The following MAGI2 variants were observed in gnomAD, a reference collection of about 807,000 sequenced individuals.
MAGI2 encodes membrane associated guanylate kinase, WW and PDZ domain containing 2, also known as membrane-associated guanylate kinase, WW and PDZ domain-containing protein 2.
In MAGI2, 35 loss-of-function variants were observed where a neutral mutation model predicts 133.3. The observed-to-expected ratio is 0.26, with a 90% CI of 0.20 to 0.35. MAGI2 has a LOEUF of 0.35. MAGI2 is among the 10% of genes least tolerant of loss of function. The pLI, the probability that MAGI2 is intolerant of heterozygous loss-of-function variation, is 1.00. For synonymous variants in MAGI2, 729 were observed against 710.6 expected, an observed-to-expected ratio of 1.03 and a Z score of -0.41; for missense variants, 1,636 against 1,863.4, an observed-to-expected ratio of 0.88 and a Z score of 2.25.
intron 21 of MAGI2, among the ~76,000 whole-genome samples, chr7:78,020,374 T>A (rs1313751552): frequency 6.6e-6 from 1 of 152,100 alleles, no homozygotes; most frequent in Admixed American, 6.5e-5. Flanking sequence ...AGGGTGGTGG[T>A]GAAAAATACA....
intron 9 of MAGI2, among the ~76,000 whole-genome samples, chr7:78,302,988 C>T (rs146629455): frequency 6.6e-5 from 10 of 152,224 alleles, no homozygotes; most frequent in African/African-American, 2.4e-4. Flanking sequence ...AGAAACAACC[C>T]TAACTCAAAC....
chr7:78,123,053 C>T (rs1303991772), intron 20 of MAGI2, among the ~76,000 whole-genome samples: 1 of 152,120 alleles, frequency 6.6e-6, no homozygotes, highest in Non-Finnish European at 1.5e-5. Context: ...ATCTGAATGT[C>T]CATTGTGTTT....
chr7:78,309,832 C>CT (rs902893407), intron 9 of MAGI2, among the ~76,000 whole-genome samples: 63 of 139,546 alleles, frequency 4.5e-4, no homozygotes, highest in African/African-American at 1.6e-3. Context: ...AGGCTCAGAC[C>CT]TTTCTTCTAT....
At chr7:78,957,269 A>C (rs1359605402) in intron 2 of MAGI2, among the ~76,000 whole-genome samples, 17 of 149,882 alleles carry the variant, frequency 1.1e-4, no homozygotes, top group Non-Finnish European at 2.5e-4. Context: ...CATCTCAAAA[A>C]AAAAAAAAAA....
chr7:78,762,229 G>A (rs1824583334), intron 2 of MAGI2, among the ~76,000 whole-genome samples: 2 of 151,200 alleles, frequency 1.3e-5, no homozygotes, highest in African/African-American at 4.9e-5. Context: ...AGATCACCTG[G>A]GGTCAGGAGT....
intron 2 of MAGI2, among the ~76,000 whole-genome samples, chr7:78,848,593 T>A (rs1431346252): frequency 6.6e-6 from 1 of 151,990 alleles, no homozygotes; most frequent in Non-Finnish European, 1.5e-5. Flanking sequence ...ATGACCTACT[T>A]CTACTGATCT....
At chr7:79,329,538 T>C (rs1055939351) in intron 1 of MAGI2, among the ~76,000 whole-genome samples, 3 of 152,232 alleles carry the variant, frequency 2.0e-5, no homozygotes, top group Admixed American at 6.5e-5. Context: ...TAAAGATGGC[T>C]GGAAGAAGCC....
intron 21 of MAGI2, among the ~76,000 whole-genome samples, chr7:78,044,678 CGTGT>C (rs58076536): frequency 2.5e-3 from 316 of 126,472 alleles, no homozygotes; most frequent in South Asian, 4.6e-3. Flanking sequence ...GCTAATGTAC[CGTGT>C]GTGTGTGTGT....
intron 5 of MAGI2, among the ~76,000 whole-genome samples, chr7:78,494,995 G>C (rs577034396): frequency 7.2e-5 from 11 of 152,124 alleles, no homozygotes; most frequent in African/African-American, 2.4e-4. Flanking sequence ...CAAGGTTCAG[G>C]TAAATATTCT....
intron 9 of MAGI2, among the ~76,000 whole-genome samples, chr7:78,296,139 C>A (rs1187069006): frequency 6.6e-6 from 1 of 152,140 alleles, no homozygotes; most frequent in African/African-American, 2.4e-5. Context: ...CAGAGTATTA[C>A]AAACCAGAGT....
rs142391524 is a variant in MAGI2 at position 78,246,490 on chromosome 7, C to T, written c.2047+9453G>A. On this transcript the variant is annotated intron_variant, in intron 10 of 21. Transcript: ENST00000354212. Reference sequence around the variant, plus strand: ...TTGGGCTGAGACACCCTGGCCCGCACGCAAAACAACTAGTACCCTCCTTCC... The same window carrying T: ...TTGGGCTGAGACACCCTGGCCCGCATGCAAAACAACTAGTACCCTCCTTCC... 1.5e-4 allele frequency among the ~76,000 whole-genome samples: 23 copies of T among 152,224 alleles called. No homozygotes were observed. The East Asian group carries it at 2.1e-3, about 14-fold the overall frequency.
chr7:78,307,435 A>C (rs1398108667), intron 9 of MAGI2, among the ~76,000 whole-genome samples: 5 of 152,176 alleles, frequency 3.3e-5, no homozygotes, highest in Admixed American at 1.3e-4. Flanking sequence ...TATAAGGCTT[A>C]ATTATATAGA....
intron 2 of MAGI2, among the ~76,000 whole-genome samples, chr7:78,956,063 T>C (rs1455772211): frequency 6.6e-6 from 1 of 151,782 alleles, no homozygotes; most frequent in South Asian, 2.1e-4. Context: ...ACAGTACTAG[T>C]GGTAAAGAGG....
chr7:78,553,923 T>C (rs1029459850), intron 3 of MAGI2, among the ~76,000 whole-genome samples: 1 of 152,034 alleles, frequency 6.6e-6, no homozygotes, highest in Non-Finnish European at 1.5e-5. Flanking sequence ...GAAGGAGAGA[T>C]GTGGGGTGAA....
intron 10 of MAGI2, among the ~76,000 whole-genome samples, chr7:78,216,612 G>A (rs1030682280): frequency 1.3e-5 from 2 of 152,136 alleles, no homozygotes; most frequent in Non-Finnish European, 2.9e-5. Flanking sequence ...CAAGGTCATT[G>A]AGCCTGCTTC....
At chr7:78,574,201 G>A (rs1375834066) in intron 3 of MAGI2, among the ~76,000 whole-genome samples, 4 of 152,096 alleles carry the variant, frequency 2.6e-5, no homozygotes, top group East Asian at 3.9e-4. Context: ...TCCAGTTTCC[G>A]TGACTTTCCA....
intron 1 of MAGI2, among the ~76,000 whole-genome samples, chr7:79,406,444 A>T (rs1174786356): frequency 3.9e-4 from 59 of 152,144 alleles, no homozygotes; most frequent in Admixed American, 3.9e-3. Flanking sequence ...TGAAAATGAG[A>T]CTACTATTTT....
At chr7:78,651,894 G>GA (rs1474219175) in intron 2 of MAGI2, among the ~76,000 whole-genome samples, 3 of 151,792 alleles carry the variant, frequency 2.0e-5, no homozygotes, top group African/African-American at 4.8e-5. Flanking sequence ...AAAGAGAAAA[G>GA]AAAAAAAGCC....
Position 79,238,516 on chromosome 7 carries a change from C to A in MAGI2, c.301+214504G>T, listed in dbSNP as rs199562513. 1.5e-3 allele frequency among the ~76,000 whole-genome samples: 235 copies of A among 152,200 alleles called. 7 individuals are homozygous for A. The East Asian group carries it at 0.039, about 25-fold the overall frequency. On this transcript the variant is annotated intron_variant, in intron 1 of 21. Coordinates refer to ENST00000354212, the MANE Select transcript of MAGI2 (RefSeq NM_012301.4). ...AAATTGGAGAGAAGATAAAGCATAT[C>A]GTTTGGATAAACTATTTCATCAAAA...
Sources: gnomAD v4.1 joint callset for allele counts (sites outside exome capture counted in the v4.1 genomes callset) on GRCh38, gnomAD v4.1.1 for gene constraint, MANE v1.5 for transcripts, NCBI Gene and HGNC (gene_info 2026-07-23, HGNC 2026-07-21) for gene names.